MTUS2: variants seen among roughly 807,000 people sequenced by gnomAD.
MTUS2 encodes the protein microtubule-associated tumor suppressor candidate 2.
MTUS2 carries 40 observed loss-of-function variants against 114.1 expected under a neutral mutation model. That is an observed-to-expected ratio of 0.35 (90% CI 0.27 to 0.46). The LOEUF is 0.46. Among genes scored for constraint, MTUS2 ranks in the 20% least tolerant of loss-of-function variants. The pLI, the probability that MTUS2 is intolerant of heterozygous loss-of-function variation, is 1.00. For synonymous variants in MTUS2, 688 were observed against 672.0 expected (o/e 1.02, Z -0.37); for missense variants, 1,679 against 1,705.4 (o/e 0.98, Z 0.27).
chr13:29,044,647 T>C (rs553802216), intron 4 of MTUS2, among the ~76,000 whole-genome samples: 110 of 152,324 alleles, frequency 7.2e-4, no homozygotes, highest in African/African-American at 2.5e-3. Flanking sequence ...TGGTTTTCAT[T>C]GTGAATAGTT....
At chr13:29,361,863 G>A (rs1471829978) in intron 8 of MTUS2, among the ~76,000 whole-genome samples, 5 of 152,326 alleles carry the variant, frequency 3.3e-5, no homozygotes, top group South Asian at 4.1e-4. Context: ...AGGAATGCAC[G>A]TGTATCTTTT....
At position 28,894,329 on chromosome 13, in the gene MTUS2, GGAGA is replaced by G. The variant is rs781653092; in HGVS notation, c.-243+54497_-243+54500del. Reference sequence around the variant, plus strand: ...GGGGGGGGGGGAGGGAGGGAGGGAGGGAGAGAGAGAGAGAGAGAGAGTGAGAGTG... The same window carrying G: ...GGGGGGGGGGGAGGGAGGGAGGGAGGGAGAGAGAGAGAGAGAGTGAGAGTG... On this transcript the variant is annotated intron_variant, in intron 2 of 15. Coordinates refer to ENST00000612955, the MANE Select transcript of MTUS2 (RefSeq NM_001033602.4). Among the ~76,000 whole-genome samples the G allele has an allele frequency of 2.3e-3, 137 of 60,858 alleles. 5 individuals are homozygous for G. Among genetic ancestry groups the G allele is most frequent in the African/African-American group, 0.014 (126 of 8,868 alleles). The allele number at this position is 60,858 out of a possible 152,430, so 39.9% of individuals were successfully genotyped here. A position where few individuals can be genotyped will look rare whatever the true frequency, so the allele number is the denominator to read the frequency against.
intron 4 of MTUS2, among the ~76,000 whole-genome samples, chr13:29,090,889 C>T (rs142054008): frequency 7.6e-4 from 116 of 152,326 alleles, no homozygotes; most frequent in African/African-American, 2.7e-3. Context: ...GTCTCTGTCA[C>T]CTCTCCAGGC....
chr13:29,366,272 G>C (rs1271292298), intron 8 of MTUS2, among the ~76,000 whole-genome samples: 5 of 152,194 alleles, frequency 3.3e-5, no homozygotes, highest in Admixed American at 1.3e-4. Flanking sequence ...CGGCAGAGAA[G>C]AGAAGAGAAC....
At chr13:29,373,999 A>G (rs147940861) in intron 8 of MTUS2, among the ~76,000 whole-genome samples, 4 of 152,358 alleles carry the variant, frequency 2.6e-5, no homozygotes, top group African/African-American at 9.6e-5. Context: ...AAATTCTTCA[A>G]AGAAAGATGT....
chr13:29,011,914 G>A (rs1306195040), intron 2 of MTUS2, among the ~76,000 whole-genome samples: 2 of 152,200 alleles, frequency 1.3e-5, no homozygotes, highest in South Asian at 2.1e-4. Flanking sequence ...AAGGATATGA[G>A]CTTCTGATGA....
intron 5 of MTUS2, among the ~76,000 whole-genome samples, chr13:29,202,170 T>C (rs1300392751): frequency 6.6e-6 from 1 of 152,200 alleles, no homozygotes; most frequent in Non-Finnish European, 1.5e-5. Flanking sequence ...TCTTTTCACA[T>C]AGTCCCATAT....
In MTUS2 at chr13:29,302,209, T is replaced by C. The variant is rs191261368; in HGVS notation, c.2806+20344T>C. Among the ~76,000 whole-genome samples, 315 of 152,238 alleles carry C rather than the reference T, an allele frequency of 2.1e-3. 3 individuals are homozygous for C. The highest frequency in any genetic ancestry group is 7.1e-3 in the African/African-American group (296 of 41,550). On this transcript the variant is annotated intron_variant, in intron 6 of 15. Coordinates refer to ENST00000612955, the MANE Select transcript of MTUS2 (RefSeq NM_001033602.4). Reference sequence around the variant, plus strand: ...TAGGCAAACAACACAAACCAGAGAATGAAGAAAAGCTGGGGCTGCTGACAG... The same window carrying C: ...TAGGCAAACAACACAAACCAGAGAACGAAGAAAAGCTGGGGCTGCTGACAG...
Position 29,237,639 on chromosome 13 carries a change from A to T in MTUS2, c.2645-44065A>T, listed in dbSNP as rs534650994. Among the ~76,000 whole-genome samples, 14 of 152,266 alleles carry T rather than the reference A, an allele frequency of 9.2e-5. No homozygotes were observed. The South Asian group carries it at 2.9e-3, about 32-fold the overall frequency. ...TTTTGGCTTCAGCTTCTACTCTGGG[A>T]TTACTTCTGTGACTTCGATTCTCTC... is the stretch of plus-strand genomic sequence containing the variant. On this transcript the variant is annotated intron_variant, in intron 5 of 15. Transcript: ENST00000612955.
intron 5 of MTUS2, among the ~76,000 whole-genome samples, chr13:29,217,660 A>T (rs1242398901): frequency 6.6e-6 from 1 of 152,192 alleles, no homozygotes; most frequent in Non-Finnish European, 1.5e-5. Context: ...TTTTACAATG[A>T]CTGATTCTTC....
At position 28,954,653 on chromosome 13, in the gene MTUS2, A is replaced by T. The variant is rs530908676; in HGVS notation, c.-242-69804A>T. ...AGCCGTGAAGCAGAGGTAGGATTTTAACAGGTGGAATGGAAAAGGTGGCCT... is the reference window on the plus strand; with the variant it reads ...AGCCGTGAAGCAGAGGTAGGATTTTTACAGGTGGAATGGAAAAGGTGGCCT... On this transcript the variant is annotated intron_variant, in intron 2 of 15. Transcript: ENST00000612955. Among the ~76,000 whole-genome samples the T allele has an allele frequency of 1.3e-3, 191 of 152,220 alleles. 1 individual carries two copies. The highest frequency in any genetic ancestry group is 4.4e-3 in the African/African-American group (183 of 41,524).
At chr13:29,314,658 G>C (rs1329240305) in intron 6 of MTUS2, among the ~76,000 whole-genome samples, 1 of 152,222 alleles carries the variant, frequency 6.6e-6, no homozygotes, top group South Asian at 2.1e-4. Flanking sequence ...TTAAAATGTG[G>C]AAGTGATGAG....
At chr13:29,357,704 A>G (rs1291971858) in intron 7 of MTUS2, among the ~76,000 whole-genome samples, 1 of 152,216 alleles carries the variant, frequency 6.6e-6, no homozygotes, top group East Asian at 1.9e-4. Context: ...GTTTTCTGGA[A>G]TATTATGTAT....
rs954064732 is a variant in MTUS2, at chr13:29,503,761, A to G, written c.*555A>G. 2 of 236,464 alleles carry G rather than the reference A, an allele frequency of 8.5e-6. No individual in the cohort carries two copies. Among genetic ancestry groups the G allele is most frequent in the Admixed American group, 5.2e-5 (1 of 19,414 alleles). 14.6% of individuals were successfully genotyped at this position (236,464 alleles called of 1,614,324 possible). A position where few individuals can be genotyped will look rare whatever the true frequency, so the allele number is the denominator to read the frequency against. On this transcript the variant is annotated 3_prime_UTR_variant, in exon 16 of 16. Transcript: ENST00000612955. ...AAAAAGGAAAAAAAAAAAGATACAG[A>G]GAAGAAGCGCCTTTCAACTCACCAC...
chr13:28,987,740 AAC>A (rs1242029354), intron 2 of MTUS2, among the ~76,000 whole-genome samples: 1 of 151,822 alleles, frequency 6.6e-6, no homozygotes, highest in Non-Finnish European at 1.5e-5. Flanking sequence ...CCAAATTCTA[AAC>A]ACGTTTAAAA....
chr13:29,145,427 G>A (rs1473292649), intron 5 of MTUS2, among the ~76,000 whole-genome samples: 1 of 152,108 alleles, frequency 6.6e-6, no homozygotes, highest in Non-Finnish European at 1.5e-5. Context: ...GGTTGAGGCA[G>A]GAGAATTGCT....
chr13:29,109,660 G>T (rs1367802020), intron 5 of MTUS2, among the ~76,000 whole-genome samples: 1 of 152,134 alleles, frequency 6.6e-6, no homozygotes, highest in Non-Finnish European at 1.5e-5. Flanking sequence ...CATCAATAGG[G>T]TCGATGGGAG....
intron 2 of MTUS2, among the ~76,000 whole-genome samples, chr13:28,988,188 G>T (rs1419798101): frequency 1.3e-5 from 2 of 152,180 alleles, no homozygotes; most frequent in Non-Finnish European, 2.9e-5. Context: ...TGGGACTGGA[G>T]GGACAAAAGT....
intron 2 of MTUS2, among the ~76,000 whole-genome samples, chr13:28,939,046 C>G (rs964730561): frequency 6.6e-6 from 1 of 152,212 alleles, no homozygotes; most frequent in Non-Finnish European, 1.5e-5. Flanking sequence ...GATACTTCAG[C>G]GCTGTAACCA....
Sources: gnomAD v4.1 joint callset for allele counts (sites outside exome capture counted in the v4.1 genomes callset) on GRCh38, gnomAD v4.1.1 for gene constraint, MANE v1.5 for transcripts, NCBI Gene and HGNC (gene_info 2026-07-23, HGNC 2026-07-21) for gene names.